The following APLF variants were observed in gnomAD, a reference collection of about 807,000 sequenced individuals.
The protein encoded by APLF is aprataxin and PNKP like factor, also known as aprataxin and PNK-like factor.
A neutral mutation model predicts 55.6 loss-of-function variants in APLF; 61 were observed. The ratio of observed to expected loss-of-function variants is 1.10; its 90% CI spans 0.89 to 1.36. The LOEUF is 1.36. Among genes scored for constraint, APLF ranks in the 40% most tolerant of loss-of-function variants. APLF has a pLI of 0.00. For synonymous variants in APLF, 207 were observed against 214.8 expected (o/e 0.96, Z 0.32); for missense variants, 611 against 602.5 (o/e 1.01, Z -0.15).
At chr2:68,565,794 AT>A (rs1302380359) in intron 8 of APLF, among the ~76,000 whole-genome samples, 1 of 152,036 alleles carries the variant, frequency 6.6e-6, no homozygotes, top group East Asian at 1.9e-4. Flanking sequence ...AGTTGGATAC[AT>A]TTTTTTACAA....
intron 1 of APLF, among the ~76,000 whole-genome samples, chr2:68,475,674 G>A (rs979062700): frequency 4.6e-5 from 7 of 152,028 alleles, no homozygotes; most frequent in Non-Finnish European, 8.8e-5. Context: ...TTCCAAATAC[G>A]ATAATGTCAA....
chr2:68,579,561 G>A lies in APLF; in HGVS notation c.*1539G>A, dbSNP rs547458860. The A allele has an allele frequency of 4.3e-6, 1 of 234,892 alleles. No homozygotes were observed. The highest frequency in any genetic ancestry group is 2.4e-5 in the African/African-American group (1 of 42,234). 14.6% of individuals were successfully genotyped at this position (234,892 alleles called of 1,614,324 possible). A position where few individuals can be genotyped will look rare whatever the true frequency, so the allele number is the denominator to read the frequency against. ...CCAAAGTCTATCAACTATCAACTGG[G>A]TGAATGGATAAGCAAAACGTGGTAT... On this transcript the variant is annotated 3_prime_UTR_variant, in exon 10 of 10. Coordinates refer to ENST00000303795, the MANE Select transcript of APLF (RefSeq NM_173545.3).
chr2:68,512,722 T>C (rs1023835813), intron 3 of APLF, among the ~76,000 whole-genome samples: 1 of 151,932 alleles, frequency 6.6e-6, no homozygotes, highest in African/African-American at 2.4e-5. Context: ...CTAGCTTAGC[T>C]GATGCCCTTG....
chr2:68,576,026 G>C (rs1307706107), intron 9 of APLF, among the ~76,000 whole-genome samples: 1 of 152,138 alleles, frequency 6.6e-6, no homozygotes, highest in Non-Finnish European at 1.5e-5. Flanking sequence ...AAAGAAAACT[G>C]AGAAGGAGCA....
chr2:68,534,215 G>C (rs1351301455), intron 6 of APLF, among the ~76,000 whole-genome samples: 5 of 152,158 alleles, frequency 3.3e-5, no homozygotes, highest in Non-Finnish European at 7.3e-5. Context: ...GAACTCAGAG[G>C]CAGAATGTCA....
chr2:68,535,816 G>A (rs1196019673), intron 6 of APLF, among the ~76,000 whole-genome samples: 3 of 152,108 alleles, frequency 2.0e-5, no homozygotes, highest in Non-Finnish European at 4.4e-5. Flanking sequence ...GATACAAAGG[G>A]AATTGAGAGG....
chr2:68,517,572 AT>A (rs1166335805), intron 5 of APLF, among the ~76,000 whole-genome samples: 6 of 143,910 alleles, frequency 4.2e-5, no homozygotes, highest in Admixed American at 1.4e-4. Context: ...ATATAACAAT[AT>A]ATCACTAATA....
At chr2:68,522,418 T>C (rs916759109) in intron 5 of APLF, among the ~76,000 whole-genome samples, 4 of 151,966 alleles carry the variant, frequency 2.6e-5, no homozygotes, top group Admixed American at 6.6e-5. Context: ...TTTTATACTC[T>C]GTTAGATTAA....
intron 8 of APLF, among the ~76,000 whole-genome samples, chr2:68,547,850 A>C (rs1404458560): frequency 6.6e-6 from 1 of 151,810 alleles, no homozygotes; most frequent in Non-Finnish European, 1.5e-5. Context: ...CTTATTTTAC[A>C]ACTATAAATG....
intron 5 of APLF, among the ~76,000 whole-genome samples, chr2:68,517,512 A>G (rs1227206375): frequency 7.1e-6 from 1 of 141,496 alleles, no homozygotes; most frequent in East Asian, 2.1e-4. Context: ...ATCACTATAT[A>G]TTAATATATC....
intron 5 of APLF, among the ~76,000 whole-genome samples, chr2:68,519,079 A>G (rs897358649): frequency 2.4e-5 from 3 of 127,536 alleles, no homozygotes; most frequent in Non-Finnish European, 4.8e-5. Flanking sequence ...ATAATAATAT[A>G]ATATATAATT....
chr2:68,528,262 C>T, intron 6 of APLF: 7 of 1,313,236 alleles, frequency 5.3e-6, no homozygotes, highest in Non-Finnish European at 7.4e-6. Flanking sequence ...TCTTTCTCCT[C>T]CTAAGCAGCT....
intron 8 of APLF, among the ~76,000 whole-genome samples, chr2:68,559,396 T>C (rs1439040310): frequency 6.6e-6 from 1 of 152,148 alleles, no homozygotes; most frequent in African/African-American, 2.4e-5. Flanking sequence ...TTAGGCGAGC[T>C]AATTCAATTT....
Position 68,578,195 on chromosome 2 carries a change from A to C in APLF, c.*173A>C, listed in dbSNP as rs1671671150. ...TTGAAACGTCAGCCTTCAGTATAAT[A>C]GATGGAATTTTTTGTTGCCTTGCCT... On this transcript the variant is annotated 3_prime_UTR_variant, in exon 10 of 10. Transcript: ENST00000303795. 2 of 1,363,508 alleles carry C rather than the reference A, an allele frequency of 1.5e-6. No individual in the cohort carries two copies. The highest frequency in any genetic ancestry group is 1.7e-5 in the South Asian group (1 of 57,438). The allele number at this position is 1,363,508 out of a possible 1,614,324, so 84.5% of individuals were successfully genotyped here.
At chr2:68,500,867 T>C (rs758812026) in intron 2 of APLF, among the ~76,000 whole-genome samples, 4 of 152,180 alleles carry the variant, frequency 2.6e-5, no homozygotes, top group African/African-American at 9.7e-5. Context: ...TGTCATGTGC[T>C]TGTTGCACTC....
At chr2:68,534,198 T>C (rs1670330246) in intron 6 of APLF, among the ~76,000 whole-genome samples, 1 of 152,206 alleles carries the variant, frequency 6.6e-6, no homozygotes, top group Admixed American at 6.5e-5. Flanking sequence ...GCAGAAACTA[T>C]GGCAGAGAAC....
At chr2:68,485,851 C>G (rs1228459274) in intron 1 of APLF, among the ~76,000 whole-genome samples, 1 of 149,564 alleles carries the variant, frequency 6.7e-6, no homozygotes, top group African/African-American at 2.5e-5. Context: ...ACCCTGTCGC[C>G]CAGACTGGAG....
At chr2:68,549,588 C>G (rs938287716) in intron 8 of APLF, among the ~76,000 whole-genome samples, 3 of 152,022 alleles carry the variant, frequency 2.0e-5, no homozygotes, top group African/African-American at 7.2e-5. Flanking sequence ...TTTTATTGAA[C>G]ATATGGTGTG....
At chr2:68,509,722 A>G (rs1427580278) in intron 3 of APLF, among the ~76,000 whole-genome samples, 2 of 152,138 alleles carry the variant, frequency 1.3e-5, no homozygotes, top group East Asian at 1.9e-4. Flanking sequence ...TACTGGGTAT[A>G]TACTCAAAGG....
Sources: allele counts gnomAD v4.1 joint callset (sites outside exome capture counted in the v4.1 genomes callset), GRCh38; gene constraint gnomAD v4.1.1; transcripts MANE v1.5; gene names NCBI Gene and HGNC (gene_info 2026-07-23, HGNC 2026-07-21).